Variants in PHACTR3 observed in about 807,000 individuals in gnomAD.
The protein encoded by PHACTR3 is protein phosphatase 1, regulatory subunit 123.
In PHACTR3, 16 loss-of-function variants were observed where a neutral mutation model predicts 66.8. The ratio of observed to expected loss-of-function variants is 0.24; its 90% CI spans 0.16 to 0.36. The LOEUF (loss-of-function observed/expected upper bound fraction) is 0.36. Ranked by LOEUF, PHACTR3 falls within the 10% of genes least tolerant of loss-of-function variation. The pLI is 1.00. For missense variants in PHACTR3, 647 were observed against 719.9 expected, an observed-to-expected ratio of 0.90 and a Z score of 1.16; for synonymous variants, 323 against 292.1, an observed-to-expected ratio of 1.11 and a Z score of -1.08.
chr20:59,813,958 G>T (rs933214358), intron 8 of PHACTR3, among the ~76,000 whole-genome samples: 1 of 152,252 alleles, frequency 6.6e-6, no homozygotes, highest in Non-Finnish European at 1.5e-5. Context: ...CACAGCTGCT[G>T]AAAGTGCCGT....
intron 7 of PHACTR3, among the ~76,000 whole-genome samples, chr20:59,798,822 G>T: frequency 6.6e-6 from 1 of 151,686 alleles, no homozygotes; most frequent in Non-Finnish European, 1.5e-5. Flanking sequence ...TTTCTGCTTT[G>T]ATCCTTATTA....
At chr20:59,790,409 T>G (rs2041054414) in intron 7 of PHACTR3, among the ~76,000 whole-genome samples, 1 of 152,194 alleles carries the variant, frequency 6.6e-6, no homozygotes, top group Non-Finnish European at 1.5e-5. Context: ...AAACTTTGAC[T>G]CAGGAATTCT....
intron 1 of PHACTR3, among the ~76,000 whole-genome samples, chr20:59,693,483 T>A (rs758732035): frequency 2.0e-4 from 30 of 152,168 alleles, no homozygotes; most frequent in Non-Finnish European, 3.7e-4. Flanking sequence ...GAATATGATG[T>A]TTCCATTCCC....
At chr20:59,635,523 C>T (rs2034869403) in intron 1 of PHACTR3, among the ~76,000 whole-genome samples, 1 of 151,968 alleles carries the variant, frequency 6.6e-6, no homozygotes, top group Admixed American at 6.6e-5. Flanking sequence ...CATGTGCCAT[C>T]GTGCCCGGCC....
intron 9 of PHACTR3, among the ~76,000 whole-genome samples, chr20:59,837,219 T>C (rs768129594): frequency 6.6e-6 from 1 of 152,248 alleles, no homozygotes; most frequent in Non-Finnish European, 1.5e-5. Context: ...TAGTTCTTTA[T>C]CTAGTCATTT....
chr20:59,781,855 GA>G (rs2040737264), intron 7 of PHACTR3, among the ~76,000 whole-genome samples: 1 of 152,160 alleles, frequency 6.6e-6, no homozygotes, highest in Non-Finnish European at 1.5e-5. Context: ...GTGCAGGAGT[GA>G]AAGAGTAAAT....
rs2032746902 is a variant in PHACTR3, at chr20:59,577,535, CCGCTGTCCTGCGCCCCTGCGCT to C, written c.33_54del (p.Pro12TrpfsTer41). The C allele has an allele frequency of 3.4e-6, 4 of 1,171,924 alleles. No homozygotes were observed. The East Asian group carries it at 1.5e-4, about 45-fold the overall frequency. The allele number at this position is 1,171,924 out of a possible 1,614,324, so 72.6% of individuals were successfully genotyped here. A position where few individuals can be genotyped will look rare whatever the true frequency, so the allele number is the denominator to read the frequency against. ...TGCGTGGCCGTGGCGGGGGGCGCGC[CCGCTGTCCTGCGCCCCTGCGCT>C]CGCTGCTGGGCGCCTTCGGGGCCCG... On this transcript the variant is annotated frameshift_variant, in exon 1 of 13. Transcript: ENST00000359926. LOFTEE classifies it high-confidence loss of function.
intron 1 of PHACTR3, among the ~76,000 whole-genome samples, chr20:59,689,743 C>T (rs1381438075): frequency 2.6e-5 from 4 of 152,162 alleles, no homozygotes; most frequent in African/African-American, 4.8e-5. Flanking sequence ...TACCTAGCTA[C>T]TGAAGCCAGA....
intron 7 of PHACTR3, among the ~76,000 whole-genome samples, chr20:59,798,117 A>G (rs2041306620): frequency 6.6e-6 from 1 of 152,186 alleles, no homozygotes; most frequent in South Asian, 2.1e-4. Context: ...GAAGCTGGCA[A>G]GTTCAATGTC....
At chr20:59,826,394 G>C (rs565228150) in intron 8 of PHACTR3, among the ~76,000 whole-genome samples, 2 of 152,276 alleles carry the variant, frequency 1.3e-5, no homozygotes, top group East Asian at 3.9e-4. Context: ...ACTCAACCTG[G>C]GCTTGGCTCA....
intron 1 of PHACTR3, among the ~76,000 whole-genome samples, chr20:59,614,770 C>T (rs778347656): frequency 2.2e-4 from 34 of 152,072 alleles, no homozygotes; most frequent in Non-Finnish European, 4.4e-4. Flanking sequence ...AAAATTGTTG[C>T]CTTATTGTAA....
At chr20:59,778,706 G>A (rs903794452) in intron 7 of PHACTR3, among the ~76,000 whole-genome samples, 2 of 152,186 alleles carry the variant, frequency 1.3e-5, no homozygotes, top group Non-Finnish European at 2.9e-5. Flanking sequence ...TTACATGAAT[G>A]AGCCAGAATG....
At chr20:59,840,296 C>G in intron 9 of PHACTR3, 73 bp from the exon 10 acceptor site, 1 of 1,555,450 alleles carries the variant, frequency 6.4e-7, no homozygotes, top group Non-Finnish European at 8.7e-7. Context: ...GGGAACACTT[C>G]CCTGCTGAAG....
chr20:59,796,579 G>A (rs185283750), intron 7 of PHACTR3, among the ~76,000 whole-genome samples: 3 of 152,090 alleles, frequency 2.0e-5, no homozygotes, highest in Non-Finnish European at 4.4e-5. Context: ...TCTTGCCTGG[G>A]AAAGATTGTA....
At chr20:59,692,725 T>C (rs1234856991) in intron 1 of PHACTR3, among the ~76,000 whole-genome samples, 2 of 152,070 alleles carry the variant, frequency 1.3e-5, no homozygotes, top group Non-Finnish European at 1.5e-5. Flanking sequence ...ATGGAAAGAG[T>C]TGGAACCAGG....
chr20:59,677,609 G>A (rs914728004), intron 1 of PHACTR3, among the ~76,000 whole-genome samples: 1 of 152,132 alleles, frequency 6.6e-6, no homozygotes, highest in South Asian at 2.1e-4. Flanking sequence ...TTGACCCAGT[G>A]GAAAATGGCG....
chr20:59,781,350 G>A (rs1318659758), intron 7 of PHACTR3, among the ~76,000 whole-genome samples: 2 of 152,356 alleles, frequency 1.3e-5, no homozygotes, highest in East Asian at 1.9e-4. Flanking sequence ...CCTGCCATGA[G>A]CCACCCGTCC....
rs1393388757 is a variant in PHACTR3 at position 59,830,873 on chromosome 20, A to C, written c.1329-5632A>C. The stretch of plus-strand genomic sequence containing the variant: ...AGCTCTGTGCCAGTGCTGGGGCACC[A>C]GTGCTGACTGTGGAATAGACAGTTG... On this transcript the variant is annotated intron_variant, in intron 8 of 12. Transcript: ENST00000371015. This position sits in a 1 kb window ranked among gnomAD's most constrained non-coding sequence, Gnocchi z 5.8. Among the ~76,000 whole-genome samples, 2 of 152,180 alleles carry C rather than the reference A, an allele frequency of 1.3e-5. No individual in the cohort carries two copies. Among genetic ancestry groups the C allele is most frequent in the Non-Finnish European group, 2.9e-5 (2 of 68,034 alleles).
chr20:59,737,566 A>G (rs60371825), intron 1 of PHACTR3, among the ~76,000 whole-genome samples: 1 of 151,874 alleles, frequency 6.6e-6, no homozygotes, highest in African/African-American at 2.4e-5. Context: ...CTCTGTGTGC[A>G]TGTGTGTGTG....
Sources: allele counts gnomAD v4.1 joint callset (sites outside exome capture counted in the v4.1 genomes callset), GRCh38; gene constraint gnomAD v4.1.1; non-coding constraint Gnocchi (gnomAD v3.1); transcripts MANE v1.5; gene names NCBI Gene and HGNC (gene_info 2026-07-23, HGNC 2026-07-21).